The following NTRK2 variants were observed in gnomAD, a reference collection of about 807,000 sequenced individuals.
The protein encoded by NTRK2 is BDNF/NT-3 growth factors receptor.
Under a neutral mutation model 94.5 loss-of-function variants are expected in NTRK2, and 13 were observed. That is an observed-to-expected ratio of 0.14 (90% CI 0.09 to 0.22). NTRK2 has a LOEUF of 0.22. NTRK2 is among the 10% of genes least tolerant of loss of function. The pLI is 1.00. For synonymous variants in NTRK2, 372 were observed against 407.4 expected (o/e 0.91, Z 1.05); for missense variants, 639 against 1,071.2 (o/e 0.60, Z 5.63).
intron 12 of NTRK2, among the ~76,000 whole-genome samples, chr9:84,796,573 G>C (rs1033442817): frequency 1.3e-5 from 2 of 152,196 alleles, no homozygotes; most frequent in Non-Finnish European, 2.9e-5. Context: ...CTTAGACAGA[G>C]AGCAGTAAAG....
chr9:84,759,679 T>C (rs1588420238), intron 12 of NTRK2, among the ~76,000 whole-genome samples: 1 of 152,234 alleles, frequency 6.6e-6, no homozygotes, highest in African/African-American at 2.4e-5. Flanking sequence ...CTCACATAGC[T>C]TATGGCCTAT....
chr9:84,948,390 A>G, intron 15 of NTRK2, 72 bp from the exon 16 acceptor site: 1 of 1,482,944 alleles, frequency 6.7e-7, no homozygotes, highest in Non-Finnish European at 9.4e-7. Flanking sequence ...AACAAATGAG[A>G]TGGATGTCTT....
chr9:84,815,317 A>G (rs201714860), intron 12 of NTRK2: 12 of 1,046,118 alleles, frequency 1.1e-5, no homozygotes, highest in Middle Eastern at 8.8e-4. Flanking sequence ...TTTTATGGGG[A>G]AAAAAAGTGT....
At position 84,787,006 on chromosome 9, in the gene NTRK2, AT is replaced by A. The variant is rs11321264; in HGVS notation, c.1396+34922del. 2.7e-3 allele frequency among the ~76,000 whole-genome samples: 410 copies of A among 152,206 alleles called. 2 individuals are homozygous for A. The highest frequency in any genetic ancestry group is 9.6e-3 in the African/African-American group (400 of 41,490). On this transcript the variant is annotated intron_variant, in intron 12 of 18. Coordinates refer to ENST00000277120, the MANE Select transcript of NTRK2 (RefSeq NM_006180.6). ...TCAAAGACAATGCAGATTAAAAAAA[AT>A]GACCAGTCAGGTGGGCGCGGTGGCT...
Position 84,955,450 on chromosome 9 carries a change from A to G in NTRK2, c.2105A>G (p.Glu702Gly), listed in dbSNP as rs1224365290. Residue 702 changes from glutamate (E) to glycine (G), a missense_variant, in exon 17 of 19, where the codon GAG (glutamate) becomes GGG (glycine). Glu to Gly is a moderately conservative substitution (Grantham distance 98). Around this residue, in one of 5 missense-constraint regions of NTRK2, gnomAD observed 77 missense variants for 203.6 expected, o/e 0.38. Coordinates refer to ENST00000277120, the MANE Select transcript of NTRK2 (RefSeq NM_006180.6). Reference sequence around the variant, plus strand: ...GCCACCAGGAACTGCCTGGTCGGGGAGAACTTGCTGGTGAAAATCGGGGAC... The same window carrying G: ...GCCACCAGGAACTGCCTGGTCGGGGGGAACTTGCTGGTGAAAATCGGGGAC... Reference protein sequence around the residue: ...DLATRNCLVGENLLVKIGDFG... With the variant: ...DLATRNCLVGGNLLVKIGDFG... The G allele has an allele frequency of 1.2e-6, 2 of 1,614,240 alleles. No homozygotes were observed. The highest frequency in any genetic ancestry group is 1.1e-5 in the South Asian group (1 of 91,088).
chr9:84,998,326 A>G (rs1829990136), intron 17 of NTRK2, among the ~76,000 whole-genome samples: 1 of 152,096 alleles, frequency 6.6e-6, no homozygotes, highest in South Asian at 2.1e-4. Context: ...TGGACTGGAG[A>G]TGGTTTTCAG....
chr9:84,926,117 CCT>C lies in NTRK2; in HGVS notation c.1634-8044_1634-8043del, dbSNP rs1564470732. Among the ~76,000 whole-genome samples, 41 of 41,670 alleles carry C rather than the reference CCT, an allele frequency of 9.8e-4. 1 individual carries two copies. In the East Asian group the frequency reaches 0.011, roughly 11 times the overall value. The allele number at this position is 41,670 out of a possible 152,430, so 27.3% of individuals were successfully genotyped here. A position where few individuals can be genotyped will look rare whatever the true frequency, so the allele number is the denominator to read the frequency against. ...CCTTCCTTCCTTCCTTTCCTTCCTT[CCT>C]TCCTTCCTTCCTTCCTTCCTTCCTT... On this transcript the variant is annotated intron_variant, in intron 14 of 18. Transcript: ENST00000277120.
At chr9:84,770,039 G>A (rs996702825) in intron 12 of NTRK2, among the ~76,000 whole-genome samples, 2 of 151,974 alleles carry the variant, frequency 1.3e-5, no homozygotes, top group African/African-American at 4.8e-5. Flanking sequence ...GGCCTTGTGT[G>A]CTCACCCTGG....
At chr9:84,901,204 G>GTTTTGTTTTATTTTATTTTA (rs746060791) in intron 14 of NTRK2, among the ~76,000 whole-genome samples, 1 of 138,272 alleles carries the variant, frequency 7.2e-6, no homozygotes, top group Non-Finnish European at 1.5e-5. Flanking sequence ...GTTTTGTTTT[G>GTTTTGTTTTATTTTATTTTA]TTTTATTTTA....
At chr9:84,924,007 G>A (rs2077656784) in intron 14 of NTRK2, among the ~76,000 whole-genome samples, 1 of 152,078 alleles carries the variant, frequency 6.6e-6, no homozygotes, top group Non-Finnish European at 1.5e-5. Flanking sequence ...GAGGGCACAT[G>A]AGTGGAGGAT....
At chr9:85,008,137 T>C (rs1831167474) in intron 17 of NTRK2, among the ~76,000 whole-genome samples, 1 of 151,926 alleles carries the variant, frequency 6.6e-6, no homozygotes, top group African/African-American at 2.4e-5. Flanking sequence ...TTTCAACCTG[T>C]TAGCAGAAGG....
At chr9:84,706,819 C>T (rs973819689) in intron 4 of NTRK2, among the ~76,000 whole-genome samples, 3 of 152,018 alleles carry the variant, frequency 2.0e-5, no homozygotes, top group Non-Finnish European at 4.4e-5. Context: ...CGTGAGCCAC[C>T]GCACCTGGCC....
chr9:84,787,389 C>T (rs143839476), intron 12 of NTRK2, among the ~76,000 whole-genome samples: 4 of 152,246 alleles, frequency 2.6e-5, no homozygotes, highest in African/African-American at 7.2e-5. Flanking sequence ...GACAACTAAA[C>T]AAGGTCAACT....
intron 9 of NTRK2, among the ~76,000 whole-genome samples, chr9:84,736,281 G>A (rs965250701): frequency 6.6e-6 from 1 of 152,140 alleles, no homozygotes; most frequent in Non-Finnish European, 1.5e-5. Flanking sequence ...TTCCTAATTC[G>A]GGAGCTCCTG....
At chr9:84,878,915 A>G (rs1324457971) in intron 14 of NTRK2, among the ~76,000 whole-genome samples, 4 of 152,126 alleles carry the variant, frequency 2.6e-5, no homozygotes, top group Non-Finnish European at 5.9e-5. Flanking sequence ...ATACTTCCTG[A>G]GTTCCTGGCC....
chr9:84,729,025 G>A (rs4877286), intron 9 of NTRK2, among the ~76,000 whole-genome samples: 3,931 of 152,288 alleles, frequency 0.026, 74 homozygotes, highest in Admixed American at 0.046. Flanking sequence ...ATGACTTGGT[G>A]GAGAGAAGGG....
At chr9:84,910,687 G>T (rs2132483855) in intron 14 of NTRK2, among the ~76,000 whole-genome samples, 1 of 152,194 alleles carries the variant, frequency 6.6e-6, no homozygotes, top group East Asian at 1.9e-4. Context: ...AATCATCTGG[G>T]CATATCTGTC....
intron 12 of NTRK2, among the ~76,000 whole-genome samples, chr9:84,827,715 C>T (rs948753529): frequency 5.3e-5 from 8 of 152,060 alleles, no homozygotes; most frequent in Non-Finnish European, 8.8e-5. Context: ...CTCATTTTTC[C>T]TGACTTCATT....
Position 84,872,171 on chromosome 9 carries a change from C to G in NTRK2, c.1633+4740C>G. On this transcript the variant is annotated intron_variant, in intron 14 of 18. Coordinates refer to ENST00000277120, the MANE Select transcript of NTRK2 (RefSeq NM_006180.6). ...CGTGTCTGAACACCACATCACCTGA[C>G]AGCACGGGGTGGTTTCCCAGTAAAA... 3 of 1,180,540 alleles carry G rather than the reference C, an allele frequency of 2.5e-6. No individual in the cohort carries two copies. In the South Asian group the frequency reaches 8.2e-5, roughly 32 times the overall value. 73.1% of individuals were successfully genotyped at this position (1,180,540 alleles called of 1,614,324 possible). A position where few individuals can be genotyped will look rare whatever the true frequency, so the allele number is the denominator to read the frequency against.
Sources: allele counts gnomAD v4.1 joint callset (sites outside exome capture counted in the v4.1 genomes callset), GRCh38; gene constraint gnomAD v4.1.1; regional missense constraint gnomAD v4.1.1; transcripts MANE v1.5; gene names NCBI Gene and HGNC (gene_info 2026-07-23, HGNC 2026-07-21).